The following FBXO42 variants were observed in gnomAD, a reference collection of about 807,000 sequenced individuals.
FBXO42 encodes F-box only protein 42.
FBXO42 carries 12 observed loss-of-function variants against 71.7 expected under a neutral mutation model. That is an observed-to-expected ratio of 0.17 (90% confidence interval 0.11 to 0.27). The LOEUF (loss-of-function observed/expected upper bound fraction) is 0.27. FBXO42 is among the 10% of genes least tolerant of loss of function. The pLI is 1.00. For missense variants in FBXO42, 707 were observed against 911.9 expected, an observed-to-expected ratio of 0.78 and a Z score of 2.89; for synonymous variants, 325 against 327.5, an observed-to-expected ratio of 0.99 and a Z score of 0.08.
At chr1:16,327,836 G>A (rs1205157603) in intron 1 of FBXO42, among the ~76,000 whole-genome samples, 1 of 152,060 alleles carries the variant, frequency 6.6e-6, no homozygotes, top group African/African-American at 2.4e-5. Context: ...CAAGTAGCTG[G>A]GACTACAGGC....
intron 1 of FBXO42, among the ~76,000 whole-genome samples, chr1:16,335,010 T>C (rs2082538336): frequency 8.3e-6 from 1 of 121,100 alleles, no homozygotes; most frequent in South Asian, 2.6e-4. Flanking sequence ...GCGAATAGCT[T>C]GAGCCCAAGA....
rs2081544177 is a variant in FBXO42, at chr1:16,247,333, A to G, written c.*3337T>C. On this transcript the variant is annotated 3_prime_UTR_variant, in exon 10 of 10. Coordinates refer to ENST00000375592, the MANE Select transcript of FBXO42 (RefSeq NM_018994.3). ...GACCATGGATAATGCAAAGTGGAGC[A>G]TATCACCATGCCAGGATCACCACAA... 1 of 152,274 alleles carries G rather than the reference A, an allele frequency of 6.6e-6. No homozygotes were observed. Among genetic ancestry groups the G allele is most frequent in the South Asian group, 2.1e-4 (1 of 4,832 alleles). The allele number at this position is 152,274 out of a possible 1,614,324, so 9.4% of individuals were successfully genotyped here. A position where few individuals can be genotyped will look rare whatever the true frequency, so the allele number is the denominator to read the frequency against.
chr1:16,295,969 G>A (rs1283650446), intron 3 of FBXO42, among the ~76,000 whole-genome samples: 1 of 152,052 alleles, frequency 6.6e-6, no homozygotes, highest in African/African-American at 2.4e-5. Flanking sequence ...AAAAACACCA[G>A]GATCTCTAAA....
intron 3 of FBXO42, among the ~76,000 whole-genome samples, chr1:16,297,336 G>C (rs1464691845): frequency 1.3e-5 from 2 of 152,062 alleles, no homozygotes; most frequent in East Asian, 1.9e-4. Context: ...AACTGAGCAA[G>C]TTAAGAGGTA....
At chr1:16,325,108 C>T (rs896278316) in intron 1 of FBXO42, among the ~76,000 whole-genome samples, 1 of 151,858 alleles carries the variant, frequency 6.6e-6, no homozygotes, top group African/African-American at 2.4e-5. Flanking sequence ...CATGGTAGTG[C>T]AAACCTGTTG....
rs548975868 is a variant in FBXO42 at position 16,347,038 on chromosome 1, C to T, written c.-18+5217G>A. 7.6e-4 allele frequency among the ~76,000 whole-genome samples: 116 copies of T among 152,026 alleles called. 1 individual carries two copies. Among genetic ancestry groups the T allele is most frequent in the Non-Finnish European group, 1.4e-3 (92 of 67,994 alleles). On this transcript the variant is annotated intron_variant, in intron 1 of 9. Coordinates refer to ENST00000375592, the MANE Select transcript of FBXO42 (RefSeq NM_018994.3). Reference sequence around the variant, plus strand: ...GGGATTATAGGCATGAGCCACCGCACCCGGCCTGTCAGAATAGTACAATTT... The same window carrying T: ...GGGATTATAGGCATGAGCCACCGCATCCGGCCTGTCAGAATAGTACAATTT...
intron 1 of FBXO42, among the ~76,000 whole-genome samples, chr1:16,318,631 G>C (rs1230535404): frequency 6.6e-6 from 1 of 152,158 alleles, no homozygotes; most frequent in Admixed American, 6.6e-5. Context: ...GAAGGAAATA[G>C]GGTGTTTTAT....
intron 1 of FBXO42, among the ~76,000 whole-genome samples, chr1:16,329,171 A>G (rs2082475029): frequency 6.7e-6 from 1 of 150,190 alleles, no homozygotes; most frequent in African/African-American, 2.5e-5. Context: ...TCAAAAAAAA[A>G]AAAAAAAAAA....
intron 1 of FBXO42, among the ~76,000 whole-genome samples, chr1:16,352,029 T>C (rs953455683): frequency 1.3e-5 from 2 of 151,852 alleles, no homozygotes; most frequent in African/African-American, 4.8e-5. Context: ...GGAGAGGGGG[T>C]GGGTTCGCTC....
rs750121055 is a variant in FBXO42, at chr1:16,250,969, G to A, written c.1855C>T (p.Arg619Cys). The A allele has an allele frequency of 6.8e-6, 11 of 1,614,170 alleles. No individual in the cohort carries two copies. The highest frequency in any genetic ancestry group is 1.7e-5 in the Admixed American group (1 of 60,022). Residue 619 changes from arginine to cysteine, a missense_variant, in exon 10 of 10, where the codon CGC becomes TGC. Arg to Cys is a radical substitution (Grantham distance 180). This residue lies in a region of FBXO42 where 482 missense variants were observed against 587.1 expected (regional missense o/e 0.82). Coordinates refer to ENST00000375592, the MANE Select transcript of FBXO42 (RefSeq NM_018994.3). This position sits in a 1 kb window ranked among gnomAD's most constrained non-coding sequence, Gnocchi z 4.7. ...TGTGGAGGGTGGTGGCCCAGGCGGC[G>A]AGCAATGGGAGGTAAGGAATGTCCA... ...GDGHSLPPIARRLGHHPPQSL... is the reference protein window; with the variant it reads ...GDGHSLPPIACRLGHHPPQSL...
chr1:16,269,575 G>A (rs1387700675), intron 4 of FBXO42, among the ~76,000 whole-genome samples: 2 of 151,940 alleles, frequency 1.3e-5, no homozygotes, highest in Non-Finnish European at 2.9e-5. Flanking sequence ...GCCCAGGCTG[G>A]AGTGCAATGG....
chr1:16,288,569 C>T (rs2100518364), intron 4 of FBXO42, among the ~76,000 whole-genome samples: 1 of 151,958 alleles, frequency 6.6e-6, no homozygotes, highest in African/African-American at 2.4e-5. Context: ...ATTTATTTTC[C>T]ACTTCAGCAA....
At chr1:16,329,154 C>T in intron 1 of FBXO42, among the ~76,000 whole-genome samples, 1 of 125,406 alleles carries the variant, frequency 8.0e-6, no homozygotes. Context: ...CAGAGTGAGA[C>T]TCTGTCTCAA....
intron 2 of FBXO42, among the ~76,000 whole-genome samples, chr1:16,314,025 C>T (rs1317710309): frequency 6.6e-6 from 1 of 152,202 alleles, no homozygotes; most frequent in Non-Finnish European, 1.5e-5. Flanking sequence ...GTGATCTTGG[C>T]TCACTGCAAC....
rs1218841777 is a variant in FBXO42, at chr1:16,252,252, C to A, written c.1038+36G>T. On this transcript the variant is annotated intron_variant, in intron 9 of 9. Transcript: ENST00000375592. The surrounding 1 kb of genome is among the most constrained non-coding windows in gnomAD (Gnocchi z 4.4). The stretch of plus-strand genomic sequence containing the variant: ...TAATGTGGTTTTCCACAATTTAGGA[C>A]CTGTCCTCCTGCTAGCCTGTCAGCT... The A allele has an allele frequency of 6.7e-7, 1 of 1,488,510 alleles. No homozygotes were observed. 92.2% of individuals were successfully genotyped at this position (1,488,510 alleles called of 1,614,324 possible).
intron 3 of FBXO42, among the ~76,000 whole-genome samples, chr1:16,298,861 A>G (rs1219103884): frequency 6.6e-6 from 1 of 152,098 alleles, no homozygotes; most frequent in Admixed American, 6.6e-5. Context: ...AACATTGCTT[A>G]ATAAAACAAA....
chr1:16,340,324 CT>C (rs112076253), intron 1 of FBXO42, among the ~76,000 whole-genome samples: 7,676 of 147,790 alleles, frequency 0.052, 586 homozygotes, highest in African/African-American at 0.18. Context: ...TTTGGTAGTA[CT>C]TTTTTTTTTT....
At chr1:16,299,979 T>TA (rs1424308673) in intron 3 of FBXO42, among the ~76,000 whole-genome samples, 2 of 152,120 alleles carry the variant, frequency 1.3e-5, no homozygotes, top group Non-Finnish European at 2.9e-5. Flanking sequence ...CCTACTGAAC[T>TA]TTACTTATTG....
At chr1:16,311,008 A>G in intron 2 of FBXO42, among the ~76,000 whole-genome samples, 1 of 149,352 alleles carries the variant, frequency 6.7e-6, no homozygotes, top group Non-Finnish European at 1.5e-5. Context: ...AAAACTCAAC[A>G]TTAATAAACA....
Sources: allele counts gnomAD v4.1 joint callset (sites outside exome capture counted in the v4.1 genomes callset), GRCh38; gene constraint gnomAD v4.1.1; regional missense constraint gnomAD v4.1.1; non-coding constraint Gnocchi (gnomAD v3.1); transcripts MANE v1.5; gene names NCBI Gene and HGNC (gene_info 2026-07-23, HGNC 2026-07-21).